Variants in TRPC7 observed in about 807,000 individuals in gnomAD.
TRPC7 encodes the protein short transient receptor potential channel 7.
Under a neutral mutation model 90.1 loss-of-function variants are expected in TRPC7, and 42 were observed. That is an observed-to-expected ratio of 0.47 (90% confidence interval 0.36 to 0.60). The LOEUF is 0.60. Ranked by LOEUF, TRPC7 falls within the 20% of genes least tolerant of loss-of-function variation. TRPC7 has a pLI of 0.00. For missense variants in TRPC7, 955 were observed against 1,112.3 expected, an observed-to-expected ratio of 0.86 and a Z score of 2.01; for synonymous variants, 451 against 436.3, an observed-to-expected ratio of 1.03 and a Z score of -0.42.
At chr5:136,289,733 C>T (rs1361485575) in intron 3 of TRPC7, among the ~76,000 whole-genome samples, 5 of 152,252 alleles carry the variant, frequency 3.3e-5, no homozygotes, top group African/African-American at 9.6e-5. Context: ...CACAGATGAA[C>T]AAAAGGCAGC....
At chr5:136,320,664 T>C (rs1327458584) in intron 2 of TRPC7, among the ~76,000 whole-genome samples, 1 of 152,168 alleles carries the variant, frequency 6.6e-6, no homozygotes, top group East Asian at 1.9e-4. Context: ...TGGTTTTATT[T>C]ACTGGGGGTC....
chr5:136,295,730 T>G (rs1237809117), intron 3 of TRPC7, among the ~76,000 whole-genome samples: 1 of 152,366 alleles, frequency 6.6e-6, no homozygotes, highest in East Asian at 1.9e-4. Context: ...TAGGAGAATC[T>G]GAGTAGTTTA....
At chr5:136,356,535 C>A (rs1760381136) in intron 2 of TRPC7, 73 bp downstream of exon 2, 2 of 1,393,628 alleles carry the variant, frequency 1.4e-6, no homozygotes, top group Non-Finnish European at 1.9e-6. Context: ...TGAAGACAAC[C>A]CATTTCACAC....
chr5:136,305,393 C>T (rs557733738), intron 3 of TRPC7, among the ~76,000 whole-genome samples: 1 of 152,304 alleles, frequency 6.6e-6, no homozygotes, highest in African/African-American at 2.4e-5. Context: ...CATTTCCTTT[C>T]CATTGTGGAA....
At chr5:136,353,820 C>T (rs1342388274) in intron 2 of TRPC7, among the ~76,000 whole-genome samples, 3 of 152,142 alleles carry the variant, frequency 2.0e-5, no homozygotes, top group East Asian at 3.9e-4. Context: ...TTTTTCATCA[C>T]GTTACTGGTG....
rs1758949547 is a variant in TRPC7, at chr5:136,314,566, TA to T, written c.963+1030del. Among the ~76,000 whole-genome samples the T allele has an allele frequency of 2.6e-5, 4 of 152,328 alleles. No homozygotes were observed. In the South Asian group the frequency reaches 8.3e-4, roughly 32 times the overall value. ...TTTTTCTTAAAATTTGTGATTATTA[TA>T]ATATCAAAGTAAAAGGGCAGGAAGA... On this transcript the variant is annotated intron_variant, in intron 3 of 11. Coordinates refer to ENST00000513104, the MANE Select transcript of TRPC7 (RefSeq NM_020389.3).
chr5:136,231,824 T>C (rs566258763), intron 7 of TRPC7, among the ~76,000 whole-genome samples: 1 of 152,302 alleles, frequency 6.6e-6, no homozygotes, highest in East Asian at 1.9e-4. Context: ...AGGCTGGTCT[T>C]GAACTCCTGG....
At chr5:136,252,898 C>T (rs907534299) in intron 5 of TRPC7, among the ~76,000 whole-genome samples, 1 of 152,190 alleles carries the variant, frequency 6.6e-6, no homozygotes, top group African/African-American at 2.4e-5. Flanking sequence ...GGTTGGGGAC[C>T]GCTGCTCTAA....
chr5:136,217,145 T>C (rs1330866051), intron 10 of TRPC7, among the ~76,000 whole-genome samples: 1 of 152,162 alleles, frequency 6.6e-6, no homozygotes, highest in Non-Finnish European at 1.5e-5. Flanking sequence ...ATGAGCAGTG[T>C]GGAAGAGAGG....
chr5:136,307,694 G>A (rs1758687471), intron 3 of TRPC7, among the ~76,000 whole-genome samples: 1 of 152,174 alleles, frequency 6.6e-6, no homozygotes, highest in Admixed American at 6.5e-5. Flanking sequence ...GGGTGCTACT[G>A]GATAGAGTCC....
intron 10 of TRPC7, among the ~76,000 whole-genome samples, chr5:136,217,676 TG>T (rs951487042): frequency 6.6e-6 from 1 of 152,238 alleles, no homozygotes; most frequent in African/African-American, 2.4e-5. Context: ...GAATTTCTCA[TG>T]GACATAGTCT....
chr5:136,257,240 T>A, intron 5 of TRPC7, among the ~76,000 whole-genome samples: 1 of 151,352 alleles, frequency 6.6e-6, no homozygotes, highest in East Asian at 1.9e-4. Context: ...TGGAGTGCAG[T>A]GGTGCGATCT....
chr5:136,236,763 A>G (rs888894703), intron 7 of TRPC7, among the ~76,000 whole-genome samples: 2 of 152,212 alleles, frequency 1.3e-5, no homozygotes, highest in African/African-American at 4.8e-5. Flanking sequence ...CTGATCAACA[A>G]GGAGAGGGTT....
intron 6 of TRPC7, 80 bp downstream of exon 6, chr5:136,251,569 A>C: frequency 8.6e-7 from 1 of 1,165,548 alleles, no homozygotes; most frequent in Non-Finnish European, 1.2e-6. Flanking sequence ...TAGCGTTACA[A>C]GTTCACCAGC....
intron 2 of TRPC7, among the ~76,000 whole-genome samples, chr5:136,338,023 G>A (rs991639383): frequency 6.6e-5 from 10 of 152,106 alleles, no homozygotes; most frequent in African/African-American, 1.9e-4. Context: ...TAAGTGCGTC[G>A]TATTCTAACC....
At chr5:136,344,807 G>C (rs189370) in intron 2 of TRPC7, among the ~76,000 whole-genome samples, 1 of 152,160 alleles carries the variant, frequency 6.6e-6, no homozygotes, top group Non-Finnish European at 1.5e-5. Flanking sequence ...AGGCAGCCTG[G>C]ATGTCTATCA....
intron 2 of TRPC7, among the ~76,000 whole-genome samples, chr5:136,323,721 T>C (rs1759267543): frequency 6.6e-6 from 1 of 152,232 alleles, no homozygotes; most frequent in South Asian, 2.1e-4. Flanking sequence ...CCACTGTCTT[T>C]ATTTCTGTAG....
chr5:136,347,863 C>T (rs947338645), intron 2 of TRPC7, among the ~76,000 whole-genome samples: 5 of 152,174 alleles, frequency 3.3e-5, no homozygotes, highest in Non-Finnish European at 5.9e-5. Flanking sequence ...ACTGAGAGGT[C>T]CCAGAGATAG....
chr5:136,312,542 AT>A (rs1449000714), intron 3 of TRPC7, among the ~76,000 whole-genome samples: 8 of 152,218 alleles, frequency 5.3e-5, no homozygotes, highest in African/African-American at 1.4e-4. Flanking sequence ...CATTCTGCAA[AT>A]GGGGAATGAA....
Sources: gnomAD v4.1 joint callset for allele counts (sites outside exome capture counted in the v4.1 genomes callset) on GRCh38, gnomAD v4.1.1 for gene constraint, MANE v1.5 for transcripts, NCBI Gene and HGNC (gene_info 2026-07-23, HGNC 2026-07-21) for gene names.